Variants in ZNF57 observed in about 807,000 individuals in gnomAD.
The protein encoded by ZNF57 is zinc finger protein 57, also known as zinc finger protein 424.
Under a neutral mutation model 13.4 loss-of-function variants are expected in ZNF57, and 11 were observed. The observed-to-expected ratio is 0.82, with a 90% CI of 0.52 to 1.36. The LOEUF (loss-of-function observed/expected upper bound fraction) is 1.36, where lower values mean the gene tolerates loss of function less well. Ranked by LOEUF, ZNF57 falls within the 40% of genes most tolerant of loss-of-function variation. The pLI, the probability that ZNF57 is intolerant of heterozygous loss-of-function variation, is 0.00. For missense variants in ZNF57, 696 were observed against 667.5 expected (o/e 1.04, Z -0.47); for synonymous variants, 224 against 238.5 (o/e 0.94, Z 0.56).
rs571488759 is a variant in ZNF57, at chr19:2,905,958, G to T, written c.3+4910G>T. ...AGATCGGTCTGAGAGATCTGCTGAC[G>T]TGGTGGCATTGTTTCCTTCCTCAGT... is the stretch of plus-strand genomic sequence containing the variant. On this transcript the variant is annotated intron_variant, in intron 1 of 3. Transcript: ENST00000306908. Among the ~76,000 whole-genome samples, 9 of 152,232 alleles carry T rather than the reference G, an allele frequency of 5.9e-5. No individual in the cohort carries two copies. In the East Asian group the frequency reaches 1.7e-3, roughly 29 times the overall value.
chr19:2,907,367 C>T (rs894992345), intron 1 of ZNF57, among the ~76,000 whole-genome samples: 7 of 152,022 alleles, frequency 4.6e-5, no homozygotes, highest in South Asian at 2.1e-4. Flanking sequence ...AGCAGGCCCA[C>T]GAGCCTGTCC....
intron 1 of ZNF57, among the ~76,000 whole-genome samples, chr19:2,909,255 T>C (rs1053590666): frequency 2.0e-5 from 3 of 150,072 alleles, no homozygotes; most frequent in African/African-American, 4.9e-5. Flanking sequence ...TTTTTCCTTA[T>C]AATAGATTTT....
rs1017703781 is a variant in ZNF57, at chr19:2,917,345, C to T, written c.724C>T (p.His242Tyr). 16 of 1,614,100 alleles carry T rather than the reference C, an allele frequency of 9.9e-6. No individual in the cohort carries two copies. The African/African-American group carries it at 2.0e-4, about 20-fold the overall frequency. ...AFNGFASFTRHVRTHTKDRPY... is the reference protein window; with the variant it reads ...AFNGFASFTRYVRTHTKDRPY... Reference sequence around the variant, plus strand: ...TAATGGGTTCGCAAGCTTCACTAGACATGTGAGAACTCACACAAAAGACAG... The same window carrying T: ...TAATGGGTTCGCAAGCTTCACTAGATATGTGAGAACTCACACAAAAGACAG... The change falls in exon 4 of 4, where the codon CAT becomes TAT. Residue 242 changes from histidine (H) to tyrosine (Y), a missense_variant. This residue lies in a region of ZNF57 where 645 missense variants were observed against 591.5 expected (regional missense o/e 1.09). Transcript: ENST00000306908.
chr19:2,900,956 C>A lies in ZNF57; in HGVS notation c.-90C>A. ...CCTGCCGCGCGTGCCCTGCCTACCA[C>A]GAGCGGCCCGGGAGTACCTGTACCT... On this transcript the variant is annotated 5_prime_UTR_variant, in exon 1 of 4. Transcript: ENST00000306908. 1.3e-6 allele frequency: 2 copies of A among 1,515,360 alleles called. No individual in the cohort carries two copies. Among genetic ancestry groups the A allele is most frequent in the South Asian group, 2.4e-5 (2 of 82,626 alleles). The allele number at this position is 1,515,360 out of a possible 1,614,324, so 93.9% of individuals were successfully genotyped here.
rs1465036555 is a variant in ZNF57, at chr19:2,911,531, TCAAAAACAAAAAAAAA to T, written c.4-3989_4-3974del. Among the ~76,000 whole-genome samples the T allele has an allele frequency of 1.2e-4, 12 of 101,596 alleles. No homozygotes were observed. The Admixed American group carries it at 1.3e-3, about 11-fold the overall frequency. The allele number at this position is 101,596 out of a possible 152,430, so 66.7% of individuals were successfully genotyped here. On this transcript the variant is annotated intron_variant, in intron 1 of 3. Transcript: ENST00000306908. ...CTGGGCGACAGAGGGAGAGTCTGTC[TCAAAAACAAAAAAAAA>T]CGACAACAAAAAAAACTTTGTAAAG...
intron 1 of ZNF57, among the ~76,000 whole-genome samples, chr19:2,906,380 G>A (rs149938711): frequency 2.7e-4 from 41 of 152,344 alleles, no homozygotes; most frequent in African/African-American, 9.1e-4. Flanking sequence ...AAAGGCTAAT[G>A]CCCAAGCAGT....
Position 2,917,904 on chromosome 19 carries a change from C to T in ZNF57, c.1283C>T (p.Thr428Ile). ...KPYECKQCGK[T>I]FTWSSTFREH... The stretch of plus-strand genomic sequence containing the variant: ...TATGAGTGTAAACAATGTGGAAAAA[C>T]CTTCACTTGGTCCTCAACGTTTAGA... The change falls in exon 4 of 4, where the codon ACC becomes ATC. Residue 428 changes from threonine to isoleucine, a missense_variant. Coordinates refer to ENST00000306908, the MANE Select transcript of ZNF57 (RefSeq NM_173480.3). The T allele has an allele frequency of 1.2e-6, 2 of 1,613,952 alleles. No individual in the cohort carries two copies. The highest frequency in any genetic ancestry group is 1.7e-6 in the Non-Finnish European group (2 of 1,179,988).
Position 2,918,276 on chromosome 19 carries a change from A to G in ZNF57, c.1655A>G (p.Glu552Gly), listed in dbSNP as rs768406034. 6.2e-7 allele frequency: 1 copy of G among 1,605,784 alleles called. No individual in the cohort carries two copies. The highest frequency in any genetic ancestry group is 8.5e-7 in the Non-Finnish European group (1 of 1,175,172). The stretch of plus-strand genomic sequence containing the variant: ...CAAGTCATTCTTTCTAAAACCAGTG[A>G]GAGCACACACTAAAGAGAAATTCTA... ...SCQVILSKTS[E>G]STH is the part of the protein sequence containing the mutation. The change falls in exon 4 of 4, where the codon GAG becomes GGG. Residue 552 changes from glutamate to glycine, a missense_variant. Physicochemically the swap from Glu to Gly is moderately conservative, Grantham distance 98. This residue lies in a region of ZNF57 where 645 missense variants were observed against 591.5 expected (regional missense o/e 1.09). Coordinates refer to ENST00000306908, the MANE Select transcript of ZNF57 (RefSeq NM_173480.3).
intron 1 of ZNF57, among the ~76,000 whole-genome samples, chr19:2,905,580 G>A (rs1254441625): frequency 2.0e-5 from 3 of 151,198 alleles, no homozygotes; most frequent in Non-Finnish European, 4.4e-5. Flanking sequence ...CTGGCTAATA[G>A]GGTGAAACCC....
chr19:2,917,572 C>A lies in ZNF57; in HGVS notation c.951C>A (p.Phe317Leu). The change falls in exon 4 of 4, where the codon TTC (phenylalanine) becomes TTA (leucine). Residue 317 changes from phenylalanine to leucine, a missense_variant. Physicochemically the swap from Phe to Leu is conservative, Grantham distance 22 (BLOSUM62 0). Coordinates refer to ENST00000306908, the MANE Select transcript of ZNF57 (RefSeq NM_173480.3). The stretch of plus-strand genomic sequence containing the variant: ...AATGCAAGCAGTGTGGGAAAACATT[C>A]AGTTGGTCTGAAACCTTGCGAGTCC... ...PYECKQCGKT[F>L]SWSETLRVHM... is the part of the protein sequence containing the mutation. 6.2e-7 allele frequency: 1 copy of A among 1,614,010 alleles called. No homozygotes were observed. Among genetic ancestry groups the A allele is most frequent in the Non-Finnish European group, 8.5e-7 (1 of 1,179,974 alleles).
intron 1 of ZNF57, among the ~76,000 whole-genome samples, chr19:2,904,629 C>A (rs754978250): frequency 2.6e-5 from 4 of 152,084 alleles, no homozygotes; most frequent in Admixed American, 1.3e-4. Flanking sequence ...GCAACCTCCA[C>A]CTCCCGGGTT....
intron 1 of ZNF57, among the ~76,000 whole-genome samples, chr19:2,912,699 G>A (rs192573755): frequency 9.3e-4 from 141 of 152,318 alleles, no homozygotes; most frequent in African/African-American, 3.2e-3. Context: ...AAAACTAGAA[G>A]TCATTTAACT....
intron 1 of ZNF57, among the ~76,000 whole-genome samples, chr19:2,908,317 A>G (rs140705201): frequency 0.024 from 3,598 of 152,256 alleles, 81 homozygotes; most frequent in Middle Eastern, 0.1. Flanking sequence ...AGGTGAGGTC[A>G]TGGGCGTCTT....
chr19:2,917,059 G>T lies in ZNF57; in HGVS notation c.438G>T (p.Arg146Ser), dbSNP rs930813572. Reference sequence around the variant, plus strand: ...AACCATATGAATGCACCAAGTGCAGGACAGTCTTCACGCATCTTTCTTCTC... The same window carrying T: ...AACCATATGAATGCACCAAGTGCAGTACAGTCTTCACGCATCTTTCTTCTC... The part of the protein sequence containing the change: ...GEKPYECTKC[R>S]TVFTHLSSLK... Residue 146 changes from arginine to serine, a missense_variant, in exon 4 of 4, where the codon AGG becomes AGT. Physicochemically the swap from Arg to Ser is moderately radical, Grantham distance 110 (BLOSUM62 -1). Around this residue, in one of 3 missense-constraint regions of ZNF57, gnomAD observed 645 missense variants for 591.5 expected, o/e 1.09. Coordinates refer to ENST00000306908, the MANE Select transcript of ZNF57 (RefSeq NM_173480.3). 1 of 1,614,072 alleles carries T rather than the reference G, an allele frequency of 6.2e-7. No individual in the cohort carries two copies. The highest frequency in any genetic ancestry group is 1.3e-5 in the African/African-American group (1 of 74,920).
At chr19:2,902,131 A>G (rs900336392) in intron 1 of ZNF57, among the ~76,000 whole-genome samples, 1 of 126,892 alleles carries the variant, frequency 7.9e-6, no homozygotes, top group Non-Finnish European at 1.6e-5. Flanking sequence ...GGGCTTGACC[A>G]TGGTGCGGCC....
At chr19:2,901,362 G>T (rs2088028437) in intron 1 of ZNF57, among the ~76,000 whole-genome samples, 1 of 151,592 alleles carries the variant, frequency 6.6e-6, no homozygotes, top group Admixed American at 6.6e-5. Context: ...GGACGGCAAG[G>T]GACGGTCAGC....
chr19:2,914,534 C>T (rs1321533868), intron 1 of ZNF57, among the ~76,000 whole-genome samples: 1 of 152,178 alleles, frequency 6.6e-6, no homozygotes, highest in Non-Finnish European at 1.5e-5. Context: ...GGATTACAGG[C>T]GTGAGCCACT....
chr19:2,909,271 A>ATTTTTTTTTTT (rs2088108223), intron 1 of ZNF57, among the ~76,000 whole-genome samples: 1 of 120,566 alleles, frequency 8.3e-6, no homozygotes, highest in Non-Finnish European at 1.8e-5. Flanking sequence ...ATTTTATTTT[A>ATTTTTTTTTTT]TTTATTTTTG....
rs374186492 is a variant in ZNF57, at chr19:2,916,985, C to T, written c.364C>T (p.His122Tyr). ...NEGNQYGEAI[H>Y]QMPDLTLHKK... The stretch of plus-strand genomic sequence containing the variant: ...AGGTAATCAATATGGAGAAGCCATC[C>T]ATCAAATGCCAGATCTTACCCTGCA... Residue 122 changes from histidine to tyrosine, a missense_variant, in exon 4 of 4, where the codon CAT becomes TAT. Around this residue, in one of 3 missense-constraint regions of ZNF57, gnomAD observed 645 missense variants for 591.5 expected, o/e 1.09. Coordinates refer to ENST00000306908, the MANE Select transcript of ZNF57 (RefSeq NM_173480.3). The T allele has an allele frequency of 5.0e-6, 8 of 1,613,014 alleles. No individual in the cohort carries two copies. Among genetic ancestry groups the T allele is most frequent in the African/African-American group, 1.3e-5 (1 of 74,828 alleles).
Sources: allele counts gnomAD v4.1 joint callset (sites outside exome capture counted in the v4.1 genomes callset), GRCh38; gene constraint gnomAD v4.1.1; regional missense constraint gnomAD v4.1.1; transcripts MANE v1.5; gene names NCBI Gene and HGNC (gene_info 2026-07-23, HGNC 2026-07-21).